The following DUSP11 variants were observed in gnomAD, a reference collection of about 807,000 sequenced individuals.
DUSP11 encodes RNA/RNP complex-1-interacting phosphatase.
Under a neutral mutation model 41.4 loss-of-function variants are expected in DUSP11, and 27 were observed. The ratio of observed to expected loss-of-function variants is 0.65; its 90% CI spans 0.48 to 0.90. DUSP11 has a LOEUF of 0.90. Ranked by LOEUF, DUSP11 falls within the 40% of genes least tolerant of loss-of-function variation. The probability of loss-of-function intolerance (pLI) is 0.00; values close to 1 mark genes in which losing one functional copy is unlikely to be tolerated. For missense variants in DUSP11, 465 were observed against 461.1 expected (o/e 1.01, Z -0.08); for synonymous variants, 188 against 159.3 (o/e 1.18, Z -1.35).
At chr2:73,766,492 A>G (rs1573177402) in exon 8 of DUSP11, 4 of 1,614,148 alleles carry the variant, frequency 2.5e-6, no homozygotes, top group East Asian at 2.2e-5. Flanking sequence ...TCTGATGTAG[A>G]TTATACCTAG....
chr2:73,766,723 C>T, intron 7 of DUSP11, 105 bp downstream of exon 7: 1 of 1,364,316 alleles, frequency 7.3e-7, no homozygotes. Flanking sequence ...ACATCTCCCC[C>T]CAACAAACAA....
At chr2:73,766,873 T>G (rs1342264066) in exon 7 of DUSP11, 4 of 1,613,434 alleles carry the variant, frequency 2.5e-6, no homozygotes, top group Non-Finnish European at 2.5e-6. Context: ...GTTTTGTCTT[T>G]CTAAGCAATG....
intron 5 of DUSP11, chr2:73,767,583 T>C (rs1259576088): frequency 6.1e-6 from 1 of 163,528 alleles, no homozygotes; most frequent in Non-Finnish European, 1.3e-5. Flanking sequence ...TTGGGAAAAA[T>C]ATTAACATTA....
chr2:73,769,832 T>C (rs1013108116), intron 4 of DUSP11, among the ~76,000 whole-genome samples: 2 of 152,214 alleles, frequency 1.3e-5, no homozygotes, highest in African/African-American at 4.8e-5. Flanking sequence ...TAAATAGCAC[T>C]ATTCACATTT....
At chr2:73,772,438 C>A (rs190897057) in intron 4 of DUSP11, among the ~76,000 whole-genome samples, 6 of 152,250 alleles carry the variant, frequency 3.9e-5, no homozygotes, top group Admixed American at 3.9e-4. Flanking sequence ...CTTAGACAGT[C>A]AGCACCACTC....
chr2:73,764,469 C>T (rs1468521240), intron 8 of DUSP11, among the ~76,000 whole-genome samples: 1 of 152,018 alleles, frequency 6.6e-6, no homozygotes. Context: ...TTACAACGTG[C>T]TAAACTGTTT....
chr2:73,774,426 C>A (rs545696025), intron 3 of DUSP11, among the ~76,000 whole-genome samples: 2 of 152,328 alleles, frequency 1.3e-5, no homozygotes, highest in East Asian at 3.9e-4. Context: ...TAACCATCCA[C>A]AAGTGTATAG....
intron 8 of DUSP11, among the ~76,000 whole-genome samples, chr2:73,766,080 C>T (rs769956947): frequency 3.3e-5 from 5 of 152,116 alleles, no homozygotes; most frequent in Admixed American, 1.3e-4. Flanking sequence ...GAGGCTGAGG[C>T]GGGTAGATCA....
At chr2:73,763,643 A>C (rs1303622036) in intron 8 of DUSP11, among the ~76,000 whole-genome samples, 2 of 152,176 alleles carry the variant, frequency 1.3e-5, no homozygotes, top group South Asian at 2.1e-4. Flanking sequence ...GAATCATTTG[A>C]AACCGGGAGG....
intron 5 of DUSP11, chr2:73,767,589 CATT>C (rs1672490507): frequency 6.1e-6 from 1 of 163,714 alleles, no homozygotes; most frequent in African/African-American, 2.4e-5. Flanking sequence ...AAAATATTAA[CATT>C]ATATCTAAAA....
intron 4 of DUSP11, among the ~76,000 whole-genome samples, chr2:73,772,330 A>C (rs889087862): frequency 1.3e-5 from 2 of 152,150 alleles, no homozygotes; most frequent in Non-Finnish European, 2.9e-5. Context: ...TCTTTTTATC[A>C]GTGAGCCTGT....
At chr2:73,769,230 T>A in intron 5 of DUSP11, 35 bp downstream of exon 5, 1 of 1,579,154 alleles carries the variant, frequency 6.3e-7, no homozygotes, top group Non-Finnish European at 8.7e-7. Flanking sequence ...ACAAAAACAA[T>A]TTAAAATGGT....
chr2:73,774,785 C>T, intron 3 of DUSP11, 128 bp downstream of exon 3: 1 of 639,018 alleles, frequency 1.6e-6, no homozygotes, highest in Non-Finnish European at 2.5e-6. Flanking sequence ...TCACTTGGTT[C>T]TCTTTTAAAC....
At chr2:73,767,379 G>T (rs544329640) in intron 5 of DUSP11, 172 bp from the exon 6 acceptor site, 1 of 532,570 alleles carries the variant, frequency 1.9e-6, no homozygotes, top group Non-Finnish European at 3.3e-6. Flanking sequence ...ACAAAAAGAC[G>T]TTTTTCAAGA....
intron 2 of DUSP11, among the ~76,000 whole-genome samples, chr2:73,777,352 G>A (rs1672707103): frequency 6.6e-6 from 1 of 152,168 alleles, no homozygotes; most frequent in African/African-American, 2.4e-5. Flanking sequence ...TGATCTATAA[G>A]TCACAAATTA....
intron 1 of DUSP11, among the ~76,000 whole-genome samples, chr2:73,778,750 G>C (rs1440993701): frequency 1.3e-5 from 2 of 152,152 alleles, no homozygotes; most frequent in African/African-American, 4.8e-5. Context: ...CACGCTTTTA[G>C]TTTTCATACG....
chr2:73,762,709 A>C lies in DUSP11; in HGVS notation c.1086T>G (p.Tyr362Ter). The change falls in exon 9 of 9, where the codon TAT (tyrosine) becomes TAG (stop). Residue 362 changes from tyrosine to a stop codon, truncating the protein, a stop_gained. Coordinates refer to ENST00000272444, the Ensembl canonical transcript of DUSP11. LOFTEE classifies it low-confidence loss of function (END_TRUNC). ...CTGGATAGGAGAGTCTGGAGTAATT[A>C]TAAGGATACCACCTTCTTCTATCCT... The C allele has an allele frequency of 6.2e-7, 1 of 1,613,762 alleles. No homozygotes were observed. The highest frequency in any genetic ancestry group is 1.7e-5 in the Admixed American group (1 of 59,964).
chr2:73,775,159 T>C, intron 2 of DUSP11, 115 bp from the exon 3 acceptor site: 3 of 911,964 alleles, frequency 3.3e-6, no homozygotes, highest in Non-Finnish European at 4.8e-6. Context: ...AAAGTTTCCA[T>C]TCTCCTGGAA....
intron 5 of DUSP11, chr2:73,768,422 G>C: frequency 3.1e-6 from 3 of 980,830 alleles, no homozygotes; most frequent in Non-Finnish European, 3.6e-6. Flanking sequence ...AGATGCTCAG[G>C]AGATATTTTC....
Sources: gnomAD v4.1 joint callset for allele counts (sites outside exome capture counted in the v4.1 genomes callset) on GRCh38, gnomAD v4.1.1 for gene constraint, MANE v1.5 for transcripts, NCBI Gene and HGNC (gene_info 2026-07-23, HGNC 2026-07-21) for gene names.